The following PSG3 variants were observed in gnomAD, a reference collection of about 807,000 sequenced individuals.
PSG3 encodes the protein pregnancy-specific beta-1-glycoprotein 3.
In PSG3, 61 loss-of-function variants were observed where a neutral mutation model predicts 47.5. The observed-to-expected ratio is 1.28, with a 90% confidence interval of 1.05 to 1.59. PSG3 has a LOEUF of 1.59. PSG3 is among the 40% of genes most tolerant of loss of function. The pLI is 0.00. For missense variants in PSG3, 756 were observed against 524.0 expected, an observed-to-expected ratio of 1.44 and a Z score of -4.32; for synonymous variants, 263 against 198.4, an observed-to-expected ratio of 1.33 and a Z score of -2.74.
rs188693933 is a variant in PSG3, at chr19:42,733,233, A to G, written c.431-171T>C. Among the ~76,000 whole-genome samples, 3 of 152,096 alleles carry G rather than the reference A, an allele frequency of 2.0e-5. No individual in the cohort carries two copies. The East Asian group carries it at 5.8e-4, about 29-fold the overall frequency. Reference sequence around the variant, plus strand: ...TGCATGGCAATCTGAGGGCTCAGAGATTGTGAGGCTGCCTGCTTCGTGTGG... The same window carrying G: ...TGCATGGCAATCTGAGGGCTCAGAGGTTGTGAGGCTGCCTGCTTCGTGTGG... On this transcript the variant is annotated intron_variant, in intron 2 of 6. Transcript: ENST00000327495.
At chr19:42,731,168 A>G (rs1378065019) in intron 3 of PSG3, among the ~76,000 whole-genome samples, 1 of 152,238 alleles carries the variant, frequency 6.6e-6, no homozygotes, top group East Asian at 1.9e-4. Context: ...GGGAGGTTCT[A>G]GAGATCTGCT....
At chr19:42,729,625 C>T (rs188452244) in intron 4 of PSG3, among the ~76,000 whole-genome samples, 153 bp downstream of exon 4, 1 of 152,148 alleles carries the variant, frequency 6.6e-6, no homozygotes, top group Admixed American at 6.5e-5. Context: ...CTGTGCCTAC[C>T]CAGATCTTCC....
At chr19:42,739,976 G>A (rs865984564) in intron 1 of PSG3, among the ~76,000 whole-genome samples, 13 of 149,078 alleles carry the variant, frequency 8.7e-5, no homozygotes, top group African/African-American at 3.0e-4. Context: ...TTTTTGAGAC[G>A]GAGTCTTGTA....
At position 42,732,073 on chromosome 19, in the gene PSG3, T is replaced by C. The variant is rs201841400; in HGVS notation, c.709+711A>G. ...CAGAGGGCAGGTGGCTCTTCCCTGA[T>C]AGCTAGATAGACTTCACTGGAAAAC... On this transcript the variant is annotated intron_variant, in intron 3 of 6. Coordinates refer to ENST00000327495, the MANE Select transcript of PSG3 (RefSeq NM_021016.4). 1.9e-4 allele frequency: 30 copies of C among 155,942 alleles called. No homozygotes were observed. The East Asian group carries it at 5.0e-3, about 26-fold the overall frequency. 9.7% of individuals were successfully genotyped at this position (155,942 alleles called of 1,614,324 possible).
At chr19:42,729,075 G>A (rs554611430) in intron 5 of PSG3, 48 bp downstream of exon 5, 1 of 1,613,218 alleles carries the variant, frequency 6.2e-7, no homozygotes, top group African/African-American at 1.3e-5. Flanking sequence ...GAAAGCCAGA[G>A]AGACTCCACC....
intron 5 of PSG3, among the ~76,000 whole-genome samples, chr19:42,724,634 A>G (rs1969347576): frequency 6.6e-6 from 1 of 152,088 alleles, no homozygotes; most frequent in Non-Finnish European, 1.5e-5. Context: ...TCTTTTTCAC[A>G]GGAATCAGCT....
chr19:42,736,612 T>TTGTGTGTGTG (rs61479007), intron 2 of PSG3, among the ~76,000 whole-genome samples: 1,478 of 138,704 alleles, frequency 0.011, 46 homozygotes, highest in African/African-American at 0.039. Flanking sequence ...TTCAATACAT[T>TTGTGTGTGTG]TGTGTGTGTG....
intron 2 of PSG3, among the ~76,000 whole-genome samples, chr19:42,735,462 G>T (rs940288980): frequency 1.6e-4 from 25 of 152,012 alleles, no homozygotes; most frequent in African/African-American, 4.8e-4. Flanking sequence ...CACCTCCTGG[G>T]TTCATGCCAT....
intron 6 of PSG3, among the ~76,000 whole-genome samples, chr19:42,723,311 C>A (rs1312543002): frequency 6.6e-6 from 1 of 152,192 alleles, no homozygotes; most frequent in African/African-American, 2.4e-5. Context: ...GGATTTCACT[C>A]TGTTTTCAGA....
chr19:42,737,789 G>T (rs990351162), intron 2 of PSG3, among the ~76,000 whole-genome samples: 3 of 152,208 alleles, frequency 2.0e-5, no homozygotes, highest in African/African-American at 7.2e-5. Context: ...CTCTGGTTCA[G>T]TGACTGTGGC....
intron 3 of PSG3, among the ~76,000 whole-genome samples, chr19:42,730,686 C>A (rs866717603): frequency 2.0e-5 from 3 of 152,148 alleles, no homozygotes; most frequent in South Asian, 2.1e-4. Flanking sequence ...CTTACTTGAA[C>A]CAGTGACCTC....
intron 6 of PSG3, 149 bp from the exon 7 acceptor site, chr19:42,722,239 T>C (rs1015358290): frequency 5.1e-6 from 2 of 392,096 alleles, no homozygotes; most frequent in African/African-American, 2.1e-5. Context: ...ATATAATTTT[T>C]AGAATACTCA....
intron 2 of PSG3, among the ~76,000 whole-genome samples, chr19:42,735,511 C>T (rs1488950056): frequency 2.0e-5 from 3 of 152,172 alleles, no homozygotes; most frequent in South Asian, 2.1e-4. Context: ...GGACTACAAG[C>T]GCCTGCCACC....
intron 2 of PSG3, among the ~76,000 whole-genome samples, chr19:42,736,145 T>C (rs1272394228): frequency 2.0e-5 from 3 of 152,330 alleles, no homozygotes; most frequent in Non-Finnish European, 4.4e-5. Flanking sequence ...ATTAAGATTA[T>C]AGGAGGGAAC....
intron 6 of PSG3, among the ~76,000 whole-genome samples, chr19:42,723,562 G>C (rs1479859514): frequency 3.3e-5 from 5 of 152,208 alleles, no homozygotes; most frequent in Non-Finnish European, 5.9e-5. Context: ...ATGCAAGGAA[G>C]ATTTCAAAGT....
At chr19:42,738,580 T>C in intron 2 of PSG3, 144 bp downstream of exon 2, 1 of 1,505,792 alleles carries the variant, frequency 6.6e-7, no homozygotes, top group Non-Finnish European at 9.1e-7. Context: ...GTCTCTTCTG[T>C]GTGTGTCCTG....
At chr19:42,737,387 G>A (rs1207141302) in intron 2 of PSG3, among the ~76,000 whole-genome samples, 4 of 152,032 alleles carry the variant, frequency 2.6e-5, no homozygotes, top group South Asian at 2.1e-4. Context: ...TGTCTGTCTC[G>A]CTGGGCCTAT....
chr19:42,724,101 T>C (rs1466599694), intron 5 of PSG3, 76 bp from the exon 6 acceptor site: 26 of 1,502,110 alleles, frequency 1.7e-5, no homozygotes, highest in Non-Finnish European at 2.2e-5. Context: ...AACAAGCATG[T>C]AACATGAGGT....
intron 5 of PSG3, among the ~76,000 whole-genome samples, chr19:42,727,036 C>A (rs373935338): frequency 7.2e-5 from 11 of 152,228 alleles, no homozygotes; most frequent in East Asian, 1.9e-4. Context: ...GGGAAGGGAC[C>A]GTTTTCTCAC....
Sources: gnomAD v4.1 joint callset for allele counts (sites outside exome capture counted in the v4.1 genomes callset) on GRCh38, gnomAD v4.1.1 for gene constraint, MANE v1.5 for transcripts, NCBI Gene and HGNC (gene_info 2026-07-23, HGNC 2026-07-21) for gene names.